Variants in CAND2 observed in about 807,000 individuals in gnomAD.
CAND2 encodes cullin associated and neddylation dissociated 2 (putative).
Under a neutral mutation model 98.9 loss-of-function variants are expected in CAND2, and 62 were observed. The ratio of observed to expected loss-of-function variants is 0.63; its 90% CI spans 0.51 to 0.77. The LOEUF is 0.77. CAND2 is among the 30% of genes least tolerant of loss of function. The pLI, the probability that CAND2 is intolerant of heterozygous loss-of-function variation, is 0.00. For synonymous variants in CAND2, 770 were observed against 731.9 expected, an observed-to-expected ratio of 1.05 and a Z score of -0.84; for missense variants, 1,501 against 1,655.2, an observed-to-expected ratio of 0.91 and a Z score of 1.62.
At chr3:12,820,018 C>T (rs2061943566) in intron 10 of CAND2, 68 bp from the exon 11 acceptor site, 2 of 1,270,574 alleles carry the variant, frequency 1.6e-6, no homozygotes, top group Non-Finnish European at 2.3e-6. Flanking sequence ...AGCCTAAGCA[C>T]CTTCTGATCT....
At chr3:12,833,281 G>A (rs1284610194) in intron 14 of CAND2, among the ~76,000 whole-genome samples, 5 of 152,224 alleles carry the variant, frequency 3.3e-5, no homozygotes, top group Non-Finnish European at 7.3e-5. Context: ...CACTCCGGCT[G>A]CATCTGCAAA....
chr3:12,826,559 C>G (rs1357268503), intron 12 of CAND2, among the ~76,000 whole-genome samples: 1 of 152,048 alleles, frequency 6.6e-6, no homozygotes, highest in East Asian at 1.9e-4. Flanking sequence ...TCCTGAGTAG[C>G]TGGGACTACA....
chr3:12,816,063 ACCCCACCCCTGAGTTGAGC>A, intron 9 of CAND2, 55 bp downstream of exon 9: 2 of 1,557,014 alleles, frequency 1.3e-6, no homozygotes. Flanking sequence ...CAGAACCCAG[ACCCCACCCCTGAGTTGAGC>A]CCCCAGTTCC....
At chr3:12,832,028 AG>A (rs1226113871) in intron 14 of CAND2, among the ~76,000 whole-genome samples, 1 of 152,184 alleles carries the variant, frequency 6.6e-6, no homozygotes, top group African/African-American at 2.4e-5. Context: ...GTGGGGTGCA[AG>A]CCCTCATGGA....
At chr3:12,831,611 ACCTATGGAGT>A in intron 14 of CAND2, 39 bp downstream of exon 14, 1 of 1,414,670 alleles carries the variant, frequency 7.1e-7, no homozygotes, top group Non-Finnish European at 9.8e-7. Context: ...GCCCTGGAGC[ACCTATGGAGT>A]CCTCGGCCAG....
intron 11 of CAND2, among the ~76,000 whole-genome samples, chr3:12,823,427 A>G (rs1021000185): frequency 6.6e-6 from 1 of 151,846 alleles, no homozygotes; most frequent in African/African-American, 2.4e-5. Flanking sequence ...ACCAAAAAAT[A>G]TAAAAATTAG....
chr3:12,804,060 G>A (rs1251716664), intron 2 of CAND2, among the ~76,000 whole-genome samples: 1 of 152,100 alleles, frequency 6.6e-6, no homozygotes, highest in African/African-American at 2.4e-5. Flanking sequence ...TGCTTCTGGG[G>A]TAGGATGGAG....
chr3:12,804,414 GATT>G (rs2061790439), intron 2 of CAND2, among the ~76,000 whole-genome samples: 1 of 152,164 alleles, frequency 6.6e-6, no homozygotes, highest in South Asian at 2.1e-4. Context: ...AGTGAGCCAA[GATT>G]GCGCCATTGC....
At chr3:12,823,394 C>G (rs2061973998) in intron 11 of CAND2, among the ~76,000 whole-genome samples, 1 of 150,984 alleles carries the variant, frequency 6.6e-6, no homozygotes, top group African/African-American at 2.4e-5. Context: ...AGTTCCAGAC[C>G]AGCCTGGCAA....
At chr3:12,810,430 C>G in intron 5 of CAND2, 106 bp downstream of exon 5, 11 of 1,024,780 alleles carry the variant, frequency 1.1e-5, no homozygotes, top group Non-Finnish European at 1.4e-5. Context: ...CAGCCAGGGC[C>G]TAAGGGTGGG....
At chr3:12,798,922 G>A (rs960674137) in intron 1 of CAND2, among the ~76,000 whole-genome samples, 25 of 149,744 alleles carry the variant, frequency 1.7e-4, no homozygotes, top group African/African-American at 6.0e-4. Flanking sequence ...CTGGAGCGGG[G>A]CAGCGACTGC....
intron 13 of CAND2, among the ~76,000 whole-genome samples, chr3:12,829,438 C>A (rs915276573): frequency 1.3e-5 from 2 of 152,234 alleles, no homozygotes; most frequent in Non-Finnish European, 2.9e-5. Context: ...TGAGCCACCA[C>A]GCCCGGCCCC....
chr3:12,820,258 C>A (rs2061946752), intron 11 of CAND2, 77 bp downstream of exon 11: 1 of 1,125,602 alleles, frequency 8.9e-7, no homozygotes, highest in Non-Finnish European at 1.3e-6. Context: ...ATGTTTACTA[C>A]CCAATAGCCA....
intron 4 of CAND2, among the ~76,000 whole-genome samples, chr3:12,809,618 A>G (rs924663889): frequency 3.3e-5 from 5 of 152,104 alleles, no homozygotes; most frequent in Non-Finnish European, 7.4e-5. Context: ...TTGAGCCCAG[A>G]GCTCAGCATC....
chr3:12,805,257 G>C (rs1201027313), intron 2 of CAND2, among the ~76,000 whole-genome samples: 2 of 151,496 alleles, frequency 1.3e-5, no homozygotes, highest in Non-Finnish European at 2.9e-5. Flanking sequence ...GGAGGCCATT[G>C]CTCTTAGTGG....
At chr3:12,813,489 CT>C in intron 7 of CAND2, 101 bp downstream of exon 7, 1 of 1,177,988 alleles carries the variant, frequency 8.5e-7, no homozygotes, top group Non-Finnish European at 1.2e-6. Context: ...TGCCCCTGTC[CT>C]GATGCCAGCT....
In CAND2 at chr3:12,810,141, C is replaced by T. The variant is rs1290441948; in HGVS notation, c.574C>T (p.Arg192Cys). The change falls in exon 5 of 15, where the codon CGC becomes TGC. Residue 192 changes from arginine (R) to cysteine (C), a missense_variant. Coordinates refer to ENST00000456430, the MANE Select transcript of CAND2 (RefSeq NM_001162499.2). ...GCTGAGCAGCCCGCGCCTGGCGGTG[C>T]GCAAGCGGGCGGTCGGAGCGCTTGG... ...PQLSSPRLAV[R>C]KRAVGALGHL... 3.3e-6 allele frequency: 5 copies of T among 1,522,780 alleles called. No individual in the cohort carries two copies. In the Admixed American group the frequency reaches 6.0e-5, roughly 18 times the overall value. 94.3% of individuals were successfully genotyped at this position (1,522,780 alleles called of 1,614,324 possible).
Position 12,810,043 on chromosome 3 carries a change from C to T in CAND2, c.492-16C>T. The stretch of plus-strand genomic sequence containing the variant: ...CGCGGAGTGCGATCGGCCTGATGCC[C>T]CCTCGTGCTCCCCAGGCTGGGTGTC... On this transcript the variant is annotated splice_polypyrimidine_tract_variant and intron_variant, in intron 4 of 14. Coordinates refer to ENST00000456430, the MANE Select transcript of CAND2 (RefSeq NM_001162499.2). The T allele has an allele frequency of 3.6e-6, 5 of 1,403,432 alleles. No homozygotes were observed. The highest frequency in any genetic ancestry group is 4.6e-6 in the Non-Finnish European group (5 of 1,080,408). 86.9% of individuals were successfully genotyped at this position (1,403,432 alleles called of 1,614,324 possible).
intron 10 of CAND2, among the ~76,000 whole-genome samples, chr3:12,818,267 A>G (rs1432889209): frequency 6.6e-6 from 1 of 151,880 alleles, no homozygotes; most frequent in East Asian, 1.9e-4. Context: ...TCTACCAAAA[A>G]AAAAAACAAA....
Sources: gnomAD v4.1 joint callset for allele counts (sites outside exome capture counted in the v4.1 genomes callset) on GRCh38, gnomAD v4.1.1 for gene constraint, MANE v1.5 for transcripts, NCBI Gene and HGNC (gene_info 2026-07-23, HGNC 2026-07-21) for gene names.